The following RAB31 variants were observed in gnomAD, a reference collection of about 807,000 sequenced individuals.
RAB31 encodes the protein ras-related protein Rab-31.
A neutral mutation model predicts 25.6 loss-of-function variants in RAB31; 21 were observed. The observed-to-expected ratio is 0.82, with a 90% CI of 0.58 to 1.18. The LOEUF (loss-of-function observed/expected upper bound fraction) is 1.18, where lower values mean the gene tolerates loss of function less well. Among genes scored for constraint, RAB31 ranks in the 50% most tolerant of loss-of-function variants. The probability of loss-of-function intolerance (pLI) is 0.00; values close to 1 mark genes in which losing one functional copy is unlikely to be tolerated. For missense variants in RAB31, 196 were observed against 250.1 expected, an observed-to-expected ratio of 0.78 and a Z score of 1.46; for synonymous variants, 87 against 84.0, an observed-to-expected ratio of 1.04 and a Z score of -0.20.
At chr18:9,828,082 A>G (rs575203358) in intron 5 of RAB31, among the ~76,000 whole-genome samples, 1 of 152,218 alleles carries the variant, frequency 6.6e-6, no homozygotes, top group East Asian at 1.9e-4. Flanking sequence ...GGAGGAGGAA[A>G]TTCCAGGAAG....
intron 1 of RAB31, among the ~76,000 whole-genome samples, chr18:9,764,106 C>T (rs533029580): frequency 1.1e-4 from 17 of 152,236 alleles, no homozygotes; most frequent in African/African-American, 4.1e-4. Flanking sequence ...AATGGAAAAA[C>T]GCATATTTTA....
chr18:9,791,895 G>A (rs2068462358), intron 2 of RAB31, among the ~76,000 whole-genome samples: 1 of 152,118 alleles, frequency 6.6e-6, no homozygotes, highest in Non-Finnish European at 1.5e-5. Context: ...GAACCACCGC[G>A]CCTGGCCAGA....
At chr18:9,780,427 A>C (rs1169090319) in intron 2 of RAB31, among the ~76,000 whole-genome samples, 1 of 152,238 alleles carries the variant, frequency 6.6e-6, no homozygotes, top group Admixed American at 6.5e-5. Context: ...AATATTTTAA[A>C]AACCCATAAT....
chr18:9,781,657 A>G (rs1203523535), intron 2 of RAB31, among the ~76,000 whole-genome samples: 2 of 152,244 alleles, frequency 1.3e-5, no homozygotes, highest in Admixed American at 6.5e-5. Flanking sequence ...AGTCAATGTT[A>G]GGCTCAGCCC....
intron 5 of RAB31, among the ~76,000 whole-genome samples, chr18:9,842,174 ACC>A (rs2068737857): frequency 6.6e-6 from 1 of 152,058 alleles, no homozygotes; most frequent in Admixed American, 6.6e-5. Context: ...AGCAGCCCGG[ACC>A]CTCTCAAGCC....
intron 1 of RAB31, among the ~76,000 whole-genome samples, chr18:9,715,404 C>T (rs2068038846): frequency 7.0e-6 from 1 of 142,946 alleles, no homozygotes; most frequent in Admixed American, 6.9e-5. Context: ...TTTTTAATTC[C>T]CTTTGCCCCC....
intron 3 of RAB31, among the ~76,000 whole-genome samples, chr18:9,800,749 G>A (rs545009710): frequency 6.6e-6 from 1 of 152,198 alleles, no homozygotes; most frequent in East Asian, 1.9e-4. Context: ...ATTTGTTTCT[G>A]TGTTGACTAT....
At chr18:9,848,090 G>A (rs112790700) in intron 6 of RAB31, among the ~76,000 whole-genome samples, 14 of 152,222 alleles carry the variant, frequency 9.2e-5, no homozygotes, top group African/African-American at 2.6e-4. Context: ...ATAAACAATT[G>A]TTTGTTTCTG....
At chr18:9,827,134 C>A (rs541570841) in intron 5 of RAB31, among the ~76,000 whole-genome samples, 3 of 152,190 alleles carry the variant, frequency 2.0e-5, no homozygotes, top group African/African-American at 7.2e-5. Context: ...CTCTTTCAGG[C>A]TTTCCTGGTC....
intron 2 of RAB31, 37 bp downstream of exon 2, chr18:9,775,394 C>A (rs757715510): frequency 1.2e-6 from 2 of 1,612,182 alleles, no homozygotes; most frequent in South Asian, 2.2e-5. Context: ...CGCGTTGCTT[C>A]CTTTCACGGC....
At chr18:9,734,116 G>GAGGGAGGA (rs2068137915) in intron 1 of RAB31, among the ~76,000 whole-genome samples, 1 of 131,658 alleles carries the variant, frequency 7.6e-6, no homozygotes, top group Non-Finnish European at 1.6e-5. Context: ...GGGAGGGAGG[G>GAGGGAGGA]AGGGAGGGAG....
rs866087115 is a variant in RAB31 at position 9,773,437 on chromosome 18, C to T, written c.40-1841C>T. 5.9e-5 allele frequency among the ~76,000 whole-genome samples: 9 copies of T among 152,080 alleles called. No homozygotes were observed. The South Asian group carries it at 1.9e-3, about 32-fold the overall frequency. ...TTGTTCCCGTTTTGTGTATAGTTTT[C>T]AGAACGCCTCCACGATCCTTCCAGT... is the stretch of plus-strand genomic sequence containing the variant. On this transcript the variant is annotated intron_variant, in intron 1 of 6. Coordinates refer to ENST00000578921, the MANE Select transcript of RAB31 (RefSeq NM_006868.4).
chr18:9,828,058 G>C (rs1159878200), intron 5 of RAB31, among the ~76,000 whole-genome samples: 1 of 152,186 alleles, frequency 6.6e-6, no homozygotes, highest in South Asian at 2.1e-4. Context: ...GCCACAGGCA[G>C]TTACGGATGT....
At chr18:9,786,386 A>G (rs1047405203) in intron 2 of RAB31, among the ~76,000 whole-genome samples, 1 of 152,234 alleles carries the variant, frequency 6.6e-6, no homozygotes, top group East Asian at 1.9e-4. Flanking sequence ...ACTATAAGTA[A>G]GTGTTTCCTT....
At chr18:9,854,184 T>C (rs2068803994) in intron 6 of RAB31, among the ~76,000 whole-genome samples, 1 of 152,138 alleles carries the variant, frequency 6.6e-6, no homozygotes, top group Admixed American at 6.5e-5. Flanking sequence ...TGTGTCCATG[T>C]GTTCTCATTG....
intron 1 of RAB31, among the ~76,000 whole-genome samples, chr18:9,761,445 T>C (rs1207585188): frequency 6.6e-6 from 1 of 152,214 alleles, no homozygotes; most frequent in African/African-American, 2.4e-5. Context: ...AGTTGCCCAT[T>C]GCTGTTGTCC....
intron 5 of RAB31, among the ~76,000 whole-genome samples, chr18:9,841,538 C>CAAAA (rs56283904): frequency 5.0e-4 from 50 of 100,544 alleles, no homozygotes; most frequent in South Asian, 7.5e-4. Flanking sequence ...GACTCTGTCT[C>CAAAA]AAAAAAAAAA....
intron 5 of RAB31, among the ~76,000 whole-genome samples, chr18:9,820,512 T>C (rs954860958): frequency 1.3e-5 from 2 of 152,080 alleles, no homozygotes; most frequent in African/African-American, 4.8e-5. Context: ...AATAACAGTC[T>C]TGCAGAATGA....
intron 1 of RAB31, among the ~76,000 whole-genome samples, chr18:9,741,608 T>G (rs983545897): frequency 6.6e-6 from 1 of 152,064 alleles, no homozygotes; most frequent in African/African-American, 2.4e-5. Context: ...CAGGACCACT[T>G]GTCCTGCGCC....
Sources: allele counts gnomAD v4.1 joint callset (sites outside exome capture counted in the v4.1 genomes callset), GRCh38; gene constraint gnomAD v4.1.1; transcripts MANE v1.5; gene names NCBI Gene and HGNC (gene_info 2026-07-23, HGNC 2026-07-21).